The following NUDCD2 variants were observed in gnomAD, a reference collection of about 807,000 sequenced individuals.
NUDCD2 encodes nudC domain-containing protein 2.
NUDCD2 carries 16 observed loss-of-function variants against 20.8 expected under a neutral mutation model. That is an observed-to-expected ratio of 0.77 (90% CI 0.52 to 1.17). The LOEUF (loss-of-function observed/expected upper bound fraction) is 1.17. NUDCD2 is among the 50% of genes most tolerant of loss of function. The probability of loss-of-function intolerance (pLI) is 0.00; values close to 1 mark genes in which losing one functional copy is unlikely to be tolerated. For synonymous variants in NUDCD2, 87 were observed against 72.8 expected (o/e 1.20, Z -1.00); for missense variants, 199 against 193.9 (o/e 1.03, Z -0.16).
In NUDCD2 at chr5:163,460,000, CG is replaced by C; in HGVS notation, c.50del (p.Pro17ArgfsTer55). 6.2e-7 allele frequency: 1 copy of C among 1,612,984 alleles called. No individual in the cohort carries two copies. The highest frequency in any genetic ancestry group is 1.1e-5 in the South Asian group (1 of 91,036). On this transcript the variant is annotated frameshift_variant, in exon 1 of 4. Transcript: ENST00000302764. LOFTEE classifies it high-confidence loss of function. ...CCAAGGTCTGGTACCACTGGCCCCA[CG>C]GGGTCCCGCACGGTACCACCCCACT... is the stretch of plus-strand genomic sequence containing the variant. ...ERSGVVPCGTPWGQWYQTLEE... is the reference protein window; with the variant it reads ...ERSGVVPCGTXWGQWYQTLEE...
In NUDCD2 at chr5:163,452,892, C is replaced by T. The variant is rs1194998408; in HGVS notation, c.*1075G>A. ...GTTCCAGAATGAAGTAAACTAAAGA[C>T]AGCTGACATCTAAATGAAAGGCATG... is the stretch of plus-strand genomic sequence containing the variant. On this transcript the variant is annotated 3_prime_UTR_variant, in exon 4 of 4. Coordinates refer to ENST00000302764, the MANE Select transcript of NUDCD2 (RefSeq NM_145266.6). 1 of 152,178 alleles carries T rather than the reference C, an allele frequency of 6.6e-6. No individual in the cohort carries two copies. The highest frequency in any genetic ancestry group is 2.1e-4 in the South Asian group (1 of 4,836). The allele number at this position is 152,178 out of a possible 1,614,324, so 9.4% of individuals were successfully genotyped here.
chr5:163,456,719 C>A (rs1758320184), intron 3 of NUDCD2, among the ~76,000 whole-genome samples: 1 of 152,264 alleles, frequency 6.6e-6, no homozygotes, highest in South Asian at 2.1e-4. Flanking sequence ...ACTCACAAAT[C>A]ACAGCAATAC....
intron 1 of NUDCD2, among the ~76,000 whole-genome samples, chr5:163,458,594 A>C (rs1466510118): frequency 6.6e-6 from 1 of 151,732 alleles, no homozygotes; most frequent in Admixed American, 6.6e-5. Context: ...CTCAATAAAT[A>C]TATATTTTTT....
chr5:163,450,706 A>C lies in NUDCD2; in HGVS notation c.*3261T>G, dbSNP rs1758156939. 6.6e-6 allele frequency: 1 copy of C among 152,228 alleles called. No homozygotes were observed. The highest frequency in any genetic ancestry group is 1.5e-5 in the Non-Finnish European group (1 of 68,042). 9.4% of individuals were successfully genotyped at this position (152,228 alleles called of 1,614,324 possible). A position where few individuals can be genotyped will look rare whatever the true frequency, so the allele number is the denominator to read the frequency against. On this transcript the variant is annotated 3_prime_UTR_variant, in exon 4 of 4. Transcript: ENST00000302764. ...TGCAGAGAAAATGGAACCTGCATACACTGCTGGTGGGAAAGTAAAAAGATG... is the reference window on the plus strand; with the variant it reads ...TGCAGAGAAAATGGAACCTGCATACCCTGCTGGTGGGAAAGTAAAAAGATG...
rs1481214891 is a variant in NUDCD2, at chr5:163,453,789, T to C, written c.*178A>G. On this transcript the variant is annotated 3_prime_UTR_variant, in exon 4 of 4. Coordinates refer to ENST00000302764, the MANE Select transcript of NUDCD2 (RefSeq NM_145266.6). The stretch of plus-strand genomic sequence containing the variant: ...CTTTACCATATATCCATAGAATAGT[T>C]CCCACAGTACATTTCCTATGTAAAT... The C allele has an allele frequency of 3.6e-5, 15 of 412,282 alleles. No individual in the cohort carries two copies. Among genetic ancestry groups the C allele is most frequent in the Non-Finnish European group, 5.8e-5 (13 of 225,992 alleles). 25.5% of individuals were successfully genotyped at this position (412,282 alleles called of 1,614,324 possible).
rs1758326668 is a variant in NUDCD2 at position 163,456,942 on chromosome 5, C to A, written c.377G>T (p.Arg126Ile). The A allele has an allele frequency of 1.9e-6, 3 of 1,601,860 alleles. No individual in the cohort carries two copies. Among genetic ancestry groups the A allele is most frequent in the Non-Finnish European group, 2.6e-6 (3 of 1,174,818 alleles). ...DQMQRKLTLE[R>I]FQKENPGFDF... ...CATCTGACTTACTTCTTTTTGGAATCTCTCTAATGTAAGCTTTCTCTGCAT... is the reference window on the plus strand; with the variant it reads ...CATCTGACTTACTTCTTTTTGGAATATCTCTAATGTAAGCTTTCTCTGCAT... The change falls in exon 3 of 4, where the codon AGA (arginine) becomes ATA (isoleucine). Residue 126 changes from arginine (R) to isoleucine (I), a missense_variant. Physicochemically the swap from Arg to Ile is moderately conservative, Grantham distance 97. Transcript: ENST00000302764.
Position 163,449,444 on chromosome 5 carries a change from C to T in NUDCD2, c.*4523G>A, listed in dbSNP as rs926932857. The T allele has an allele frequency of 6.6e-6, 1 of 152,112 alleles. No individual in the cohort carries two copies. The highest frequency in any genetic ancestry group is 1.5e-5 in the Non-Finnish European group (1 of 68,020). 9.4% of individuals were successfully genotyped at this position (152,112 alleles called of 1,614,324 possible). A position where few individuals can be genotyped will look rare whatever the true frequency, so the allele number is the denominator to read the frequency against. On this transcript the variant is annotated 3_prime_UTR_variant, in exon 4 of 4. Transcript: ENST00000302764. ...CTGTGGAATATATGCTGAAAAATGA[C>T]ATAAAATGCTGATAACTGAAATGAA... is the stretch of plus-strand genomic sequence containing the variant.
intron 1 of NUDCD2, 146 bp downstream of exon 1, chr5:163,459,716 G>T: frequency 1.6e-6 from 1 of 617,744 alleles, no homozygotes; most frequent in South Asian, 2.2e-5. Flanking sequence ...CGGGGGCTCT[G>T]ACCAGACCCA....
At position 163,450,550 on chromosome 5, in the gene NUDCD2, G is replaced by C. The variant is rs905559312; in HGVS notation, c.*3417C>G. 22 of 152,230 alleles carry C rather than the reference G, an allele frequency of 1.4e-4. No homozygotes were observed. The highest frequency in any genetic ancestry group is 5.3e-4 in the African/African-American group (22 of 41,544). The allele number at this position is 152,230 out of a possible 1,614,324, so 9.4% of individuals were successfully genotyped here. On this transcript the variant is annotated 3_prime_UTR_variant, in exon 4 of 4. Coordinates refer to ENST00000302764, the MANE Select transcript of NUDCD2 (RefSeq NM_145266.6). The stretch of plus-strand genomic sequence containing the variant: ...CTGCTTTAAGGAAGATACACAAATA[G>C]CCAATAAGCACAAGAAAGAATGCTC...
At chr5:163,456,660 T>C (rs1758318833) in intron 3 of NUDCD2, among the ~76,000 whole-genome samples, 1 of 152,216 alleles carries the variant, frequency 6.6e-6, no homozygotes, top group Non-Finnish European at 1.5e-5. Flanking sequence ...GATTCAACTA[T>C]AGTAAGAGTT....
At chr5:163,458,328 T>G (rs1002381496) in intron 1 of NUDCD2, among the ~76,000 whole-genome samples, 1 of 152,148 alleles carries the variant, frequency 6.6e-6, no homozygotes, top group Non-Finnish European at 1.5e-5. Context: ...AATCTTTTTG[T>G]TGGGCAATCG....
intron 3 of NUDCD2, among the ~76,000 whole-genome samples, chr5:163,455,535 G>A (rs928715298): frequency 1.3e-5 from 2 of 152,112 alleles, no homozygotes; most frequent in African/African-American, 2.4e-5. Flanking sequence ...AGGCCAAGGC[G>A]GGCGGATCAC....
chr5:163,447,444 C>CAAAAAAA lies in NUDCD2; in HGVS notation c.*6516_*6522dup, dbSNP rs58594749. 2.6e-5 allele frequency: 3 copies of CAAAAAAA among 116,716 alleles called. No individual in the cohort carries two copies. Among genetic ancestry groups the CAAAAAAA allele is most frequent in the Non-Finnish European group, 3.7e-5 (2 of 54,086 alleles). 7.2% of individuals were successfully genotyped at this position (116,716 alleles called of 1,614,324 possible). A position where few individuals can be genotyped will look rare whatever the true frequency, so the allele number is the denominator to read the frequency against. On this transcript the variant is annotated 3_prime_UTR_variant, in exon 4 of 4. Transcript: ENST00000302764. ...CCAGCCTGAGTGACAGGGTAAGACT[C>CAAAAAAA]AAAAAAAAAAAAAAAAACATGAAGC...
chr5:163,450,695 A>T lies in NUDCD2; in HGVS notation c.*3272T>A, dbSNP rs1295777092. 6.6e-6 allele frequency: 1 copy of T among 152,236 alleles called. No individual in the cohort carries two copies. Among genetic ancestry groups the T allele is most frequent in the African/African-American group, 2.4e-5 (1 of 41,458 alleles). 9.4% of individuals were successfully genotyped at this position (152,236 alleles called of 1,614,324 possible). A position where few individuals can be genotyped will look rare whatever the true frequency, so the allele number is the denominator to read the frequency against. Reference sequence around the variant, plus strand: ...ATTGGCAAGGATGCAGAGAAAATGGAACCTGCATACACTGCTGGTGGGAAA... The same window carrying T: ...ATTGGCAAGGATGCAGAGAAAATGGTACCTGCATACACTGCTGGTGGGAAA... On this transcript the variant is annotated 3_prime_UTR_variant, in exon 4 of 4. Coordinates refer to ENST00000302764, the MANE Select transcript of NUDCD2 (RefSeq NM_145266.6).
intron 1 of NUDCD2, 197 bp downstream of exon 1, chr5:163,459,665 G>A (rs922201468): frequency 1.3e-4 from 54 of 427,054 alleles, no homozygotes; most frequent in African/African-American, 1.0e-3. Flanking sequence ...ACGAAAATAG[G>A]CTCCTCAAAT....
intron 2 of NUDCD2, 45 bp downstream of exon 2, chr5:163,457,517 A>G (rs770750845): frequency 8.8e-7 from 1 of 1,136,044 alleles, no homozygotes; most frequent in Non-Finnish European, 1.3e-6. Flanking sequence ...AAAGATATCA[A>G]GACAAAATTA....
In NUDCD2 at chr5:163,449,280, CTAAT is replaced by C. The variant is rs1758117888; in HGVS notation, c.*4683_*4686del. 6.6e-6 allele frequency: 1 copy of C among 150,890 alleles called. No individual in the cohort carries two copies. Among genetic ancestry groups the C allele is most frequent in the Non-Finnish European group, 1.5e-5 (1 of 67,772 alleles). The allele number at this position is 150,890 out of a possible 1,614,324, so 9.3% of individuals were successfully genotyped here. Reference sequence around the variant, plus strand: ...GTTAACAACAAAATAACTCCCAAAACTAATGAAGTTTAGCAAGGTCACAGGATAC... The same window carrying C: ...GTTAACAACAAAATAACTCCCAAAACGAAGTTTAGCAAGGTCACAGGATAC... On this transcript the variant is annotated 3_prime_UTR_variant, in exon 4 of 4. Coordinates refer to ENST00000302764, the MANE Select transcript of NUDCD2 (RefSeq NM_145266.6).
At position 163,451,560 on chromosome 5, in the gene NUDCD2, T is replaced by A. The variant is rs1368429921; in HGVS notation, c.*2407A>T. Reference sequence around the variant, plus strand: ...AAATTTTGTTAAATGTCAAAGAGAATAAAATTAAAAGAAAAATAGCCTCTT... The same window carrying A: ...AAATTTTGTTAAATGTCAAAGAGAAAAAAATTAAAAGAAAAATAGCCTCTT... On this transcript the variant is annotated 3_prime_UTR_variant, in exon 4 of 4. Transcript: ENST00000302764. The A allele has an allele frequency of 6.6e-6, 1 of 152,080 alleles. No individual in the cohort carries two copies. Among genetic ancestry groups the A allele is most frequent in the Non-Finnish European group, 1.5e-5 (1 of 67,996 alleles). The allele number at this position is 152,080 out of a possible 1,614,324, so 9.4% of individuals were successfully genotyped here.
Position 163,459,937 on chromosome 5 carries a change from C to T in NUDCD2, c.114G>A (p.Thr38=). 1 of 1,613,480 alleles carries T rather than the reference C, an allele frequency of 6.2e-7. No homozygotes were observed. The highest frequency in any genetic ancestry group is 8.5e-7 in the Non-Finnish European group (1 of 1,179,832). ...GGCCGCACTGGATATCCTGGGCGCG[C>T]GTGCCTGGCGGCACCTGAACTTCAA... ...VFIEVQVPPG[T]RAQDIQCGLQ... The change falls in exon 1 of 4, where the codon ACG becomes ACA. Residue 38 remains threonine (T), a synonymous_variant. Coordinates refer to ENST00000302764, the MANE Select transcript of NUDCD2 (RefSeq NM_145266.6).
Sources: allele counts gnomAD v4.1 joint callset (sites outside exome capture counted in the v4.1 genomes callset), GRCh38; gene constraint gnomAD v4.1.1; transcripts MANE v1.5; gene names NCBI Gene and HGNC (gene_info 2026-07-23, HGNC 2026-07-21).